Variants in DENND1B observed in about 807,000 individuals in gnomAD.
The protein encoded by DENND1B is DENN domain containing 1B.
DENND1B carries 59 observed loss-of-function variants against 90.1 expected under a neutral mutation model. The ratio of observed to expected loss-of-function variants is 0.65; its 90% CI spans 0.53 to 0.81. The LOEUF (loss-of-function observed/expected upper bound fraction) is 0.81, where lower values mean the gene tolerates loss of function less well. DENND1B is among the 40% of genes least tolerant of loss of function. DENND1B has a pLI of 0.00. For missense variants in DENND1B, 862 were observed against 912.6 expected (o/e 0.94, Z 0.71); for synonymous variants, 337 against 324.6 (o/e 1.04, Z -0.41).
intron 2 of DENND1B, among the ~76,000 whole-genome samples, chr1:197,728,200 A>G (rs1265152927): frequency 1.3e-5 from 2 of 152,158 alleles, no homozygotes; most frequent in Non-Finnish European, 2.9e-5. Context: ...AATTGTTTAA[A>G]AACTCCCCAG....
chr1:197,619,031 A>G (rs904018205), intron 10 of DENND1B, among the ~76,000 whole-genome samples: 4 of 151,208 alleles, frequency 2.6e-5, no homozygotes, highest in African/African-American at 7.3e-5. Flanking sequence ...CATCTTTGCC[A>G]TATGTATTAT....
rs553022795 is a variant in DENND1B at position 197,588,527 on chromosome 1, T to C, written c.1048-5274A>G. On this transcript the variant is annotated intron_variant, in intron 14 of 22. Coordinates refer to ENST00000620048, the MANE Select transcript of DENND1B (RefSeq NM_001195215.2). ...ATCCAAAACATCAACATTATACTTA[T>C]TCAGTTCCTTAATGCACCTGGACTC... Among the ~76,000 whole-genome samples, 7 of 152,298 alleles carry C rather than the reference T, an allele frequency of 4.6e-5. No homozygotes were observed. The South Asian group carries it at 1.0e-3, about 23-fold the overall frequency.
chr1:197,553,360 C>T (rs1361381208), intron 15 of DENND1B, among the ~76,000 whole-genome samples: 3 of 152,118 alleles, frequency 2.0e-5, no homozygotes, highest in Admixed American at 2.0e-4. Flanking sequence ...AAGAGTCTAA[C>T]TCTAACTTAT....
intron 18 of DENND1B, among the ~76,000 whole-genome samples, chr1:197,542,515 A>T (rs1397047841): frequency 1.3e-5 from 2 of 152,168 alleles, no homozygotes; most frequent in African/African-American, 4.8e-5. Context: ...TCCAATGATG[A>T]GTATAAGGCC....
chr1:197,781,993 T>G, the DENND1B span, among the ~76,000 whole-genome samples: 1 of 152,190 alleles, frequency 6.6e-6, no homozygotes, highest in African/African-American at 2.4e-5. Context: ...TTCTTACCTC[T>G]GACCAGTTTC....
At chr1:197,761,971 A>G (rs1374758947) in intron 2 of DENND1B, 2 of 152,122 alleles carry the variant, frequency 1.3e-5, no homozygotes, top group Non-Finnish European at 2.9e-5. Context: ...AAAAATCTGC[A>G]AGCTTTCAAA....
At chr1:197,749,958 C>T (rs902000612) in intron 2 of DENND1B, among the ~76,000 whole-genome samples, 5 of 152,090 alleles carry the variant, frequency 3.3e-5, no homozygotes, top group Non-Finnish European at 5.9e-5. Context: ...AGGAATCCTT[C>T]CCCTAAGCCT....
intron 2 of DENND1B, among the ~76,000 whole-genome samples, chr1:197,770,718 A>G (rs1024776450): frequency 7.0e-6 from 1 of 142,656 alleles, no homozygotes; most frequent in Non-Finnish European, 1.5e-5. Context: ...ATATAAATAT[A>G]TATCTATAAA....
At chr1:197,757,015 TAC>T (rs1268660020) in intron 2 of DENND1B, among the ~76,000 whole-genome samples, 2 of 150,870 alleles carry the variant, frequency 1.3e-5, no homozygotes, top group Non-Finnish European at 3.0e-5. Context: ...ACTATATATA[TAC>T]ACAGACACAT....
At chr1:197,764,341 A>G (rs577443840) in intron 2 of DENND1B, among the ~76,000 whole-genome samples, 12 of 152,186 alleles carry the variant, frequency 7.9e-5, no homozygotes, top group African/African-American at 2.9e-4. Context: ...ATAAATACCA[A>G]ATAAATAGTT....
chr1:197,690,287 C>T (rs879794268), intron 3 of DENND1B: 11 of 227,242 alleles, frequency 4.8e-5, no homozygotes, highest in Non-Finnish European at 9.2e-5. Flanking sequence ...GCACTGCTCA[C>T]ATGATTATCT....
At chr1:197,617,551 T>G in intron 11 of DENND1B, 108 bp downstream of exon 11, 4 of 734,418 alleles carry the variant, frequency 5.4e-6, no homozygotes, top group Non-Finnish European at 6.9e-6. Context: ...AAATGTAAGT[T>G]TCTGTGATTT....
At chr1:197,777,782 TATTA>T (rs1341001914), upstream of DENND1B, among the ~76,000 whole-genome samples, 1 of 152,182 alleles carries the variant, frequency 6.6e-6, no homozygotes, top group East Asian at 1.9e-4. Context: ...GGTCTTTATT[TATTA>T]ATTAATTTCT....
chr1:197,609,200 CAT>C (rs1162201646), intron 12 of DENND1B, among the ~76,000 whole-genome samples: 2 of 150,404 alleles, frequency 1.3e-5, no homozygotes, highest in African/African-American at 2.4e-5. Flanking sequence ...TAATATTAGA[CAT>C]AGACTGAAAT....
intron 15 of DENND1B, among the ~76,000 whole-genome samples, chr1:197,579,772 C>A (rs1195958867): frequency 6.6e-6 from 1 of 152,128 alleles, no homozygotes; most frequent in Non-Finnish European, 1.5e-5. Flanking sequence ...CTTAGCAAAC[C>A]TCTCTTCACT....
At chr1:197,735,714 A>G in intron 2 of DENND1B, 1 of 1,613,814 alleles carries the variant, frequency 6.2e-7, no homozygotes, top group Non-Finnish European at 8.5e-7. Flanking sequence ...GACCGACAGG[A>G]AAGTTTTCCA....
At chr1:197,761,927 T>G (rs533187392) in intron 2 of DENND1B, 1 of 152,112 alleles carries the variant, frequency 6.6e-6, no homozygotes, top group Non-Finnish European at 1.5e-5. Context: ...AAAAAAAGTT[T>G]TTTTTAAATA....
chr1:197,739,975 A>G (rs1663063888), intron 2 of DENND1B, among the ~76,000 whole-genome samples: 1 of 152,186 alleles, frequency 6.6e-6, no homozygotes, highest in African/African-American at 2.4e-5. Flanking sequence ...ACCCTATGAA[A>G]ATTTTGCACT....
chr1:197,668,282 A>G (rs1308502906), intron 5 of DENND1B, among the ~76,000 whole-genome samples: 1 of 151,954 alleles, frequency 6.6e-6, no homozygotes, highest in East Asian at 2.0e-4. Context: ...TATCAAGTCT[A>G]TTAAGAATTA....
Sources: gnomAD v4.1 joint callset for allele counts (sites outside exome capture counted in the v4.1 genomes callset) on GRCh38, gnomAD v4.1.1 for gene constraint, MANE v1.5 for transcripts, NCBI Gene and HGNC (gene_info 2026-07-23, HGNC 2026-07-21) for gene names.